The following LMBR1 variants were observed in gnomAD, a reference collection of about 807,000 sequenced individuals.
LMBR1 encodes the protein limb development membrane protein 1.
A neutral mutation model predicts 73.9 loss-of-function variants in LMBR1; 52 were observed. That is an observed-to-expected ratio of 0.70 (90% CI 0.56 to 0.89). LMBR1 has a LOEUF of 0.89. Ranked by LOEUF, LMBR1 falls within the 40% of genes least tolerant of loss-of-function variation. The pLI is 0.00. For synonymous variants in LMBR1, 215 were observed against 209.4 expected (o/e 1.03, Z -0.23); for missense variants, 539 against 579.8 (o/e 0.93, Z 0.72).
At chr7:156,736,637 G>A (rs963367166) in intron 9 of LMBR1, 4 of 456,456 alleles carry the variant, frequency 8.8e-6, no homozygotes, top group Non-Finnish European at 1.3e-5. Context: ...GAGGACACAA[G>A]TGTCTGAGCC....
chr7:156,795,384 C>T (rs1829903529), intron 5 of LMBR1, among the ~76,000 whole-genome samples: 1 of 152,134 alleles, frequency 6.6e-6, no homozygotes, highest in Admixed American at 6.5e-5. Context: ...CATCTGTGTC[C>T]CCAGCAAGCT....
At chr7:156,841,455 A>T (rs994557899) in intron 1 of LMBR1, among the ~76,000 whole-genome samples, 1 of 152,254 alleles carries the variant, frequency 6.6e-6, no homozygotes, top group East Asian at 1.9e-4. Context: ...GCCAGAGAAG[A>T]GAAGTCTGAG....
intron 16 of LMBR1, 79 bp downstream of exon 16, chr7:156,687,951 G>T: frequency 7.7e-7 from 1 of 1,302,200 alleles, no homozygotes; most frequent in Non-Finnish European, 1.0e-6. Context: ...AAACTAAATA[G>T]CTGAAGATGT....
At chr7:156,831,315 A>T (rs1458920347) in intron 3 of LMBR1, among the ~76,000 whole-genome samples, 1 of 135,966 alleles carries the variant, frequency 7.4e-6, no homozygotes, top group East Asian at 2.2e-4. Flanking sequence ...TTTAATCCAC[A>T]CAACAGTACT....
chr7:156,827,531 T>G (rs1835909677), intron 3 of LMBR1, among the ~76,000 whole-genome samples: 1 of 152,118 alleles, frequency 6.6e-6, no homozygotes, highest in Admixed American at 6.5e-5. Flanking sequence ...ACCTTCTCAG[T>G]TACACATTTC....
chr7:156,833,822 C>T, intron 2 of LMBR1, 30 bp from the exon 3 acceptor site: 1 of 1,404,460 alleles, frequency 7.1e-7, no homozygotes, highest in Non-Finnish European at 9.8e-7. Flanking sequence ...ATTAATATTC[C>T]TTTATCTTCT....
chr7:156,723,329 T>G (rs1172012974), intron 15 of LMBR1, among the ~76,000 whole-genome samples: 1 of 151,610 alleles, frequency 6.6e-6, no homozygotes, highest in Admixed American at 6.6e-5. Flanking sequence ...ATTTTTGTTA[T>G]GAGCAAGTAG....
intron 1 of LMBR1, among the ~76,000 whole-genome samples, chr7:156,873,946 G>T (rs578174787): frequency 3.9e-5 from 6 of 152,372 alleles, no homozygotes; most frequent in Admixed American, 3.9e-4. Context: ...GCTTCACCCA[G>T]TGGATTCCGC....
chr7:156,773,092 T>A (rs1275314925), intron 5 of LMBR1, among the ~76,000 whole-genome samples: 1 of 150,600 alleles, frequency 6.6e-6, no homozygotes, highest in Non-Finnish European at 1.5e-5. Flanking sequence ...CACAAAAAAA[T>A]GAAACAAAAT....
intron 4 of LMBR1, among the ~76,000 whole-genome samples, chr7:156,824,123 CAACA>C (rs1835251194): frequency 6.9e-6 from 1 of 145,116 alleles, no homozygotes; most frequent in Non-Finnish European, 1.5e-5. Flanking sequence ...ACAACAACAA[CAACA>C]ATATATATAT....
At chr7:156,819,163 T>C (rs974903968) in intron 4 of LMBR1, among the ~76,000 whole-genome samples, 1 of 152,276 alleles carries the variant, frequency 6.6e-6, no homozygotes, top group African/African-American at 2.4e-5. Context: ...CTAAGGTTAT[T>C]ATTTTATTTG....
intron 5 of LMBR1, among the ~76,000 whole-genome samples, chr7:156,778,063 TAAC>T (rs1053765944): frequency 4.6e-5 from 7 of 152,206 alleles, no homozygotes; most frequent in African/African-American, 1.7e-4. Flanking sequence ...ACACAAATAA[TAAC>T]AAGAACTGTC....
At chr7:156,810,634 C>T (rs995295302) in intron 4 of LMBR1, among the ~76,000 whole-genome samples, 1 of 151,812 alleles carries the variant, frequency 6.6e-6, no homozygotes, top group African/African-American at 2.4e-5. Flanking sequence ...CTCAAGTGAT[C>T]CACCCACCCA....
At chr7:156,892,861 C>T in intron 1 of LMBR1, 67 bp downstream of exon 1, 1 of 1,206,010 alleles carries the variant, frequency 8.3e-7, no homozygotes, top group Non-Finnish European at 1.1e-6. Context: ...ACCGGGGGCC[C>T]GGGGGCGGGG....
chr7:156,718,949 G>T (rs1293426007), intron 15 of LMBR1, among the ~76,000 whole-genome samples: 1 of 151,230 alleles, frequency 6.6e-6, no homozygotes, highest in African/African-American at 2.4e-5. Context: ...GAAGAAAACA[G>T]GGAAAAACTT....
At chr7:156,756,302 G>A (rs960350537) in intron 9 of LMBR1, 91 bp downstream of exon 9, 1 of 695,244 alleles carries the variant, frequency 1.4e-6, no homozygotes, top group African/African-American at 1.8e-5. Flanking sequence ...ACAAGATTCA[G>A]AGAGGTTTAT....
chr7:156,823,558 C>T (rs1835137353), intron 4 of LMBR1: 1 of 152,108 alleles, frequency 6.6e-6, no homozygotes, highest in Non-Finnish European at 1.5e-5. Context: ...GCCTGAGGAA[C>T]AACTCAGCTG....
intron 15 of LMBR1, among the ~76,000 whole-genome samples, chr7:156,713,265 C>T (rs1038680044): frequency 6.6e-6 from 1 of 151,978 alleles, no homozygotes; most frequent in South Asian, 2.1e-4. Context: ...AGACAGGGCA[C>T]GGAGGATTTT....
At chr7:156,809,357 TCCTC>T (rs1260118507) in intron 4 of LMBR1, among the ~76,000 whole-genome samples, 1 of 152,162 alleles carries the variant, frequency 6.6e-6, no homozygotes, top group African/African-American at 2.4e-5. Context: ...TTTAGTACAA[TCCTC>T]CCTCAGTGTC....
Sources: allele counts gnomAD v4.1 joint callset (sites outside exome capture counted in the v4.1 genomes callset), GRCh38; gene constraint gnomAD v4.1.1; transcripts MANE v1.5; gene names NCBI Gene and HGNC (gene_info 2026-07-23, HGNC 2026-07-21).